Variants in SLC2A9 observed in about 807,000 individuals in gnomAD.
SLC2A9 encodes the protein solute carrier family 2, facilitated glucose transporter member 9.
A neutral mutation model predicts 50.6 loss-of-function variants in SLC2A9; 39 were observed. The observed-to-expected ratio is 0.77, with a 90% confidence interval of 0.60 to 1.01. The LOEUF is 1.01. Ranked by LOEUF, SLC2A9 falls within the 50% of genes least tolerant of loss-of-function variation. The pLI is 0.00. For synonymous variants in SLC2A9, 324 were observed against 276.9 expected (o/e 1.17, Z -1.69); for missense variants, 686 against 677.6 (o/e 1.01, Z -0.14).
At chr4:9,955,209 T>TCAAAGTTCAAA (rs1578067625) in intron 5 of SLC2A9, among the ~76,000 whole-genome samples, 1 of 111,920 alleles carries the variant, frequency 8.9e-6, no homozygotes. Flanking sequence ...AAACTCCAAG[T>TCAAAGTTCAAA]CGGCCGGGCG....
intron 6 of SLC2A9, among the ~76,000 whole-genome samples, chr4:9,926,059 T>C (rs1294942591): frequency 6.6e-6 from 1 of 152,074 alleles, no homozygotes; most frequent in Admixed American, 6.6e-5. Flanking sequence ...AGAGCCACGC[T>C]GTTAGCACAG....
chr4:9,878,033 A>G (rs1734573048), intron 10 of SLC2A9, among the ~76,000 whole-genome samples: 1 of 151,854 alleles, frequency 6.6e-6, no homozygotes, highest in South Asian at 2.1e-4. Flanking sequence ...GTCATTCTCA[A>G]CTGTGCCCTG....
intron 5 of SLC2A9, among the ~76,000 whole-genome samples, chr4:9,946,744 T>C (rs896765726): frequency 6.6e-6 from 1 of 152,228 alleles, no homozygotes; most frequent in Non-Finnish European, 1.5e-5. Context: ...ATAAGAACAG[T>C]CCAGAATGTC....
chr4:9,849,973 G>A (rs961081355), intron 10 of SLC2A9, among the ~76,000 whole-genome samples: 3 of 146,342 alleles, frequency 2.0e-5, no homozygotes, highest in African/African-American at 5.1e-5. Flanking sequence ...AAAGATGGTC[G>A]AGCTAGGAGG....
At chr4:9,839,752 C>A (rs1458301502) in intron 10 of SLC2A9, among the ~76,000 whole-genome samples, 3 of 152,042 alleles carry the variant, frequency 2.0e-5, no homozygotes, top group Non-Finnish European at 2.9e-5. Flanking sequence ...TACATTTTCT[C>A]ACTTATAAAT....
At chr4:9,804,856 C>G (rs145618225) in intron 3 of SLC2A9, among the ~76,000 whole-genome samples, 15 of 152,074 alleles carry the variant, frequency 9.9e-5, no homozygotes, top group Non-Finnish European at 2.1e-4. Flanking sequence ...CTTGGAAGTT[C>G]AAAAGACAGA....
chr4:9,905,213 C>T (rs1184356628), intron 8 of SLC2A9, among the ~76,000 whole-genome samples: 1 of 152,264 alleles, frequency 6.6e-6, no homozygotes, highest in Non-Finnish European at 1.5e-5. Flanking sequence ...TGAATCATCA[C>T]TTCCTGCTCA....
At chr4:10,022,171 G>A (rs1003722824), upstream of SLC2A9, among the ~76,000 whole-genome samples, 9 of 152,264 alleles carry the variant, frequency 5.9e-5, no homozygotes, top group East Asian at 1.7e-3. Context: ...GTGTCCTCAG[G>A]CAAGTCACTT....
intron 10 of SLC2A9, among the ~76,000 whole-genome samples, chr4:9,871,735 T>C (rs985463455): frequency 5.9e-5 from 9 of 152,192 alleles, no homozygotes; most frequent in African/African-American, 2.2e-4. Context: ...ACTCAACCCA[T>C]TACAGTAGCT....
rs148264184 is a variant in SLC2A9, at chr4:9,813,024, T to C, written n.420+13396A>G. ...TCAGTGTGACCTCTGTTCTTTGGGT[T>C]TCATAACCAGCTAATGAATGTTTAG... On this transcript the variant is annotated intron_variant and non_coding_transcript_variant, in intron 3 of 3. Transcript: ENST00000503280. Among the ~76,000 whole-genome samples the C allele has an allele frequency of 1.1e-4, 16 of 152,314 alleles. 1 individual carries two copies. In the East Asian group the frequency reaches 3.1e-3, roughly 29 times the overall value.
chr4:10,033,153 G>T (rs1461643050), intron 1 of SLC2A9, among the ~76,000 whole-genome samples: 1 of 152,098 alleles, frequency 6.6e-6, no homozygotes, highest in Non-Finnish European at 1.5e-5. Flanking sequence ...GCTCTTAATG[G>T]CTTATTATCA....
At chr4:9,931,962 C>CTCTATA (rs1560329576) in intron 6 of SLC2A9, among the ~76,000 whole-genome samples, 6 of 14,572 alleles carry the variant, frequency 4.1e-4, no homozygotes, top group Non-Finnish European at 6.7e-4. Context: ...CTCTCTCTCT[C>CTCTATA]TATATATATA....
At chr4:9,808,321 T>C (rs922341092) in intron 3 of SLC2A9, among the ~76,000 whole-genome samples, 3 of 152,224 alleles carry the variant, frequency 2.0e-5, no homozygotes, top group African/African-American at 7.2e-5. Context: ...ACACACTCTA[T>C]GCCTGTCATT....
intron 5 of SLC2A9, among the ~76,000 whole-genome samples, chr4:9,967,818 T>A (rs1753271609): frequency 1.7e-5 from 2 of 118,836 alleles, no homozygotes; most frequent in South Asian, 4.6e-4. Flanking sequence ...AATAAGAAAG[T>A]ATAGAACAAA....
At chr4:9,935,631 C>T (rs1560337025) in intron 6 of SLC2A9, among the ~76,000 whole-genome samples, 1 of 152,346 alleles carries the variant, frequency 6.6e-6, no homozygotes, top group African/African-American at 2.4e-5. Flanking sequence ...CCCACAGTCT[C>T]TCTGCACCTG....
At chr4:9,981,020 G>A (rs1448876518) in intron 4 of SLC2A9, among the ~76,000 whole-genome samples, 3 of 152,094 alleles carry the variant, frequency 2.0e-5, no homozygotes, top group African/African-American at 4.8e-5. Flanking sequence ...TGGTGATAAC[G>A]GTGGTCGTGA....
chr4:9,991,263 A>C (rs1757670102), intron 3 of SLC2A9, among the ~76,000 whole-genome samples: 1 of 152,094 alleles, frequency 6.6e-6, no homozygotes, highest in Non-Finnish European at 1.5e-5. Context: ...GTGCATCCCA[A>C]TCCCTGCCTC....
In SLC2A9 at chr4:9,920,429, C is replaced by T. The variant is rs988062308; in HGVS notation, c.958G>A (p.Val320Met). ...APYVRWQVVT[V>M]IVTMACYQLC... ...TGGTAGCAGGCCATGGTGACAATCA[C>T]GGTGACCACCTGCCAGCGGACGTAG... The change falls in exon 7 of 12, where the codon GTG (valine) becomes ATG (methionine). Residue 320 changes from valine to methionine, a missense_variant. Physicochemically the swap from Val to Met is conservative, Grantham distance 21 (BLOSUM62 1). Coordinates refer to ENST00000264784, the MANE Select transcript of SLC2A9 (RefSeq NM_020041.3). 9.3e-6 allele frequency: 15 copies of T among 1,614,186 alleles called. No individual in the cohort carries two copies. The highest frequency in any genetic ancestry group is 1.6e-4 in the Middle Eastern group (1 of 6,062).
At chr4:9,972,048 T>C (rs1026462235) in intron 5 of SLC2A9, among the ~76,000 whole-genome samples, 2 of 152,242 alleles carry the variant, frequency 1.3e-5, no homozygotes, top group Non-Finnish European at 2.9e-5. Flanking sequence ...CCTCCCTGAA[T>C]ATGCACATGG....
Sources: allele counts gnomAD v4.1 joint callset (sites outside exome capture counted in the v4.1 genomes callset), GRCh38; gene constraint gnomAD v4.1.1; transcripts MANE v1.5; gene names NCBI Gene and HGNC (gene_info 2026-07-23, HGNC 2026-07-21).